The following KCNC2 variants were observed in gnomAD, a reference collection of about 807,000 sequenced individuals.
KCNC2 encodes the protein voltage-gated potassium channel KCNC2.
A neutral mutation model predicts 44.5 loss-of-function variants in KCNC2; 21 were observed. The ratio of observed to expected loss-of-function variants is 0.47; its 90% confidence interval spans 0.33 to 0.68. The LOEUF is 0.68. KCNC2 is among the 30% of genes least tolerant of loss of function. KCNC2 has a pLI of 0.01. For synonymous variants in KCNC2, 391 were observed against 339.1 expected (o/e 1.15, Z -1.68); for missense variants, 589 against 826.2 (o/e 0.71, Z 3.52).
At chr12:75,067,937 A>T (rs564503392) in intron 2 of KCNC2, among the ~76,000 whole-genome samples, 2 of 152,294 alleles carry the variant, frequency 1.3e-5, no homozygotes, top group East Asian at 3.9e-4. Flanking sequence ...TCCCCTTATA[A>T]AACTTTACTT....
intron 2 of KCNC2, among the ~76,000 whole-genome samples, chr12:75,184,852 A>G (rs1892826309): frequency 6.6e-6 from 1 of 152,198 alleles, no homozygotes; most frequent in Non-Finnish European, 1.5e-5. Flanking sequence ...CCACAGAGAT[A>G]GAACAAAGAT....
chr12:75,207,443 C>T lies in KCNC2; in HGVS notation c.541G>A (p.Asp181Asn), dbSNP rs1317586095. 1 of 1,609,240 alleles carries T rather than the reference C, an allele frequency of 6.2e-7. No individual in the cohort carries two copies. The highest frequency in any genetic ancestry group is 8.5e-7 in the Non-Finnish European group (1 of 1,178,104). ...TPDLIGGDPGDDEDLAAKRLG... is the reference protein window; with the variant it reads ...TPDLIGGDPGNDEDLAAKRLG... Reference sequence around the variant, plus strand: ...CTCTTGGCCGCCAGGTCCTCGTCGTCGCCGGGGTCGCCGCCAATGAGGTCG... The same window carrying T: ...CTCTTGGCCGCCAGGTCCTCGTCGTTGCCGGGGTCGCCGCCAATGAGGTCG... Residue 181 changes from aspartate (D) to asparagine (N), a missense_variant, in exon 2 of 5, where the codon GAC becomes AAC. Around this residue, in one of 7 missense-constraint regions of KCNC2, gnomAD observed 97 missense variants for 73.3 expected, o/e 1.32. Transcript: ENST00000549446. The surrounding 1 kb of genome is among the most constrained non-coding windows in gnomAD (Gnocchi z 4.1).
At chr12:75,109,536 A>G (rs1298538676) in intron 2 of KCNC2, among the ~76,000 whole-genome samples, 4 of 152,158 alleles carry the variant, frequency 2.6e-5, no homozygotes, top group Non-Finnish European at 5.9e-5. Context: ...ATGCTAAACA[A>G]ATATTAAGGC....
At chr12:75,160,923 C>T (rs563133390) in intron 2 of KCNC2, among the ~76,000 whole-genome samples, 3 of 151,666 alleles carry the variant, frequency 2.0e-5, no homozygotes, top group South Asian at 4.2e-4. Context: ...TTGTGAAAAG[C>T]AAATTAGACA....
rs564687433 is a variant in KCNC2, at chr12:75,149,846, G to A, written c.687+57451C>T. On this transcript the variant is annotated intron_variant, in intron 2 of 4. Transcript: ENST00000549446. ...TCAACATCTTCTTACTCAAATCTTG[G>A]GCACTTAGCTAAGGGCTGCAATGGA... 2.7e-4 allele frequency among the ~76,000 whole-genome samples: 41 copies of A among 151,708 alleles called. No homozygotes were observed. In the Middle Eastern group the frequency reaches 0.01, roughly 38 times the overall value.
In KCNC2 at chr12:75,207,766, C is replaced by T; in HGVS notation, c.218G>A (p.Gly73Glu). Residue 73 changes from glycine (G) to glutamate (E), a missense_variant, in exon 2 of 5, where the codon GGG becomes GAG. Transcript: ENST00000549446. This position sits in a 1 kb window ranked among gnomAD's most constrained non-coding sequence, Gnocchi z 4.1. ...PPPRAPPLSP[G>E]PGGCFEGGAG... ...GCCGCCCTCGAAGCAGCCGCCTGGCCCGGGGGACAGCGGGGGCGCTCTCGG... is the reference window on the plus strand; with the variant it reads ...GCCGCCCTCGAAGCAGCCGCCTGGCTCGGGGGACAGCGGGGGCGCTCTCGG... 5.7e-6 allele frequency: 9 copies of T among 1,575,930 alleles called. No individual in the cohort carries two copies. The highest frequency in any genetic ancestry group is 7.7e-6 in the Non-Finnish European group (9 of 1,161,434).
chr12:75,199,815 G>A (rs1008421776), intron 2 of KCNC2, among the ~76,000 whole-genome samples: 2 of 151,688 alleles, frequency 1.3e-5, no homozygotes, highest in Admixed American at 1.3e-4. Context: ...GTAGAAAAAC[G>A]TATTATAAAA....
chr12:75,065,153 T>C (rs573189912), intron 2 of KCNC2, among the ~76,000 whole-genome samples: 5 of 152,168 alleles, frequency 3.3e-5, no homozygotes, highest in African/African-American at 1.2e-4. Flanking sequence ...AGCATTAACA[T>C]TATAAAAACA....
At chr12:75,101,630 A>G (rs562268346) in intron 2 of KCNC2, among the ~76,000 whole-genome samples, 16 of 152,182 alleles carry the variant, frequency 1.1e-4, no homozygotes, top group Admixed American at 3.3e-4. Context: ...GTGTAAATAT[A>G]CTTCTGCCTT....
chr12:75,071,807 C>G (rs146062976), intron 2 of KCNC2, among the ~76,000 whole-genome samples: 2 of 151,712 alleles, frequency 1.3e-5, no homozygotes, highest in Non-Finnish European at 2.9e-5. Context: ...TTTGGTGGCA[C>G]GCACCTGTAA....
chr12:75,144,969 G>A (rs1191510153), intron 2 of KCNC2, among the ~76,000 whole-genome samples: 1 of 151,994 alleles, frequency 6.6e-6, no homozygotes, highest in Non-Finnish European at 1.5e-5. Context: ...GGAAAAAAGG[G>A]ATTATGCTTA....
chr12:75,145,516 CAA>C (rs1889958436), intron 2 of KCNC2, among the ~76,000 whole-genome samples: 2 of 150,354 alleles, frequency 1.3e-5, no homozygotes, highest in Non-Finnish European at 3.0e-5. Context: ...TGATTACTTT[CAA>C]AGTCTTTCTA....
At chr12:75,131,654 CATT>C (rs1358104414) in intron 2 of KCNC2, among the ~76,000 whole-genome samples, 1 of 152,102 alleles carries the variant, frequency 6.6e-6, no homozygotes, top group African/African-American at 2.4e-5. Context: ...GAACTCAACA[CATT>C]GTTGCTGGAG....
chr12:75,104,252 G>A (rs1013147593), intron 2 of KCNC2, among the ~76,000 whole-genome samples: 1 of 152,128 alleles, frequency 6.6e-6, no homozygotes, highest in Admixed American at 6.6e-5. Context: ...AAGCACGGGT[G>A]GCATCTACAT....
At chr12:75,143,509 G>T (rs924988584) in intron 2 of KCNC2, among the ~76,000 whole-genome samples, 21 of 152,148 alleles carry the variant, frequency 1.4e-4, no homozygotes, top group African/African-American at 4.3e-4. Flanking sequence ...ACTGGATGTG[G>T]TTCCAGGCCC....
At chr12:75,180,672 A>G (rs897702511) in intron 2 of KCNC2, among the ~76,000 whole-genome samples, 12 of 151,844 alleles carry the variant, frequency 7.9e-5, no homozygotes, top group Non-Finnish European at 1.5e-4. Flanking sequence ...ATAGCATACT[A>G]TATTTATAAG....
intron 2 of KCNC2, among the ~76,000 whole-genome samples, chr12:75,109,013 C>T (rs190499723): frequency 4.6e-5 from 7 of 152,268 alleles, no homozygotes; most frequent in African/African-American, 1.2e-4. Flanking sequence ...ACCTTAGAGT[C>T]TTGCCAAATT....
rs1592741870 is a variant in KCNC2, at chr12:75,041,500, C to G, written c.*1605G>C. The G allele has an allele frequency of 8.4e-7, 1 of 1,185,042 alleles. No homozygotes were observed. Among genetic ancestry groups the G allele is most frequent in the South Asian group, 2.1e-5 (1 of 48,192 alleles). The allele number at this position is 1,185,042 out of a possible 1,614,324, so 73.4% of individuals were successfully genotyped here. ...GGAATTAATCAGCAGTCTCAAGGCT[C>G]CCAAATGCCTTAGTGATATTATTTA... On this transcript the variant is annotated 3_prime_UTR_variant, in exon 5 of 5. Coordinates refer to ENST00000549446, the MANE Select transcript of KCNC2 (RefSeq NM_139137.4).
At chr12:75,142,992 A>C (rs1287637085) in intron 2 of KCNC2, among the ~76,000 whole-genome samples, 1 of 152,094 alleles carries the variant, frequency 6.6e-6, no homozygotes, top group Non-Finnish European at 1.5e-5. Context: ...ACCAATTAAT[A>C]ATTTTAGGCC....
Sources: allele counts gnomAD v4.1 joint callset (sites outside exome capture counted in the v4.1 genomes callset), GRCh38; gene constraint gnomAD v4.1.1; regional missense constraint gnomAD v4.1.1; non-coding constraint Gnocchi (gnomAD v3.1); transcripts MANE v1.5; gene names NCBI Gene and HGNC (gene_info 2026-07-23, HGNC 2026-07-21).